RBFOX1: variants seen among roughly 807,000 people sequenced by gnomAD.
The protein encoded by RBFOX1 is RNA binding protein fox-1 homolog 1.
In RBFOX1, 8 loss-of-function variants were observed where a neutral mutation model predicts 57.7. The ratio of observed to expected loss-of-function variants is 0.14; its 90% confidence interval spans 0.08 to 0.25. The LOEUF is 0.25. RBFOX1 is among the 10% of genes least tolerant of loss of function. The pLI is 1.00. For synonymous variants in RBFOX1, 326 were observed against 222.4 expected (o/e 1.47, Z -4.15); for missense variants, 611 against 548.5 (o/e 1.11, Z -1.14).
intron 4 of RBFOX1, among the ~76,000 whole-genome samples, chr16:5,911,900 C>T (rs1459780763): frequency 1.3e-5 from 2 of 152,178 alleles, no homozygotes; most frequent in African/African-American, 2.4e-5. Context: ...TGAATACCAT[C>T]ACCTTGGGGA....
At chr16:6,892,563 A>C (rs1307531558) in intron 3 of RBFOX1, among the ~76,000 whole-genome samples, 1 of 152,138 alleles carries the variant, frequency 6.6e-6, no homozygotes, top group Non-Finnish European at 1.5e-5. Context: ...TCTGCTACTC[A>C]GGAGCCTGAG....
At chr16:6,762,854 A>T (rs1354532431) in intron 3 of RBFOX1, among the ~76,000 whole-genome samples, 1 of 152,168 alleles carries the variant, frequency 6.6e-6, no homozygotes, top group Non-Finnish European at 1.5e-5. Flanking sequence ...CTCTCAAAGG[A>T]GGTACCTCTC....
chr16:6,011,646 C>A (rs2094961946), intron 4 of RBFOX1, among the ~76,000 whole-genome samples: 3 of 152,106 alleles, frequency 2.0e-5, no homozygotes, highest in South Asian at 2.1e-4. Flanking sequence ...TGCACAAGTC[C>A]TAAACGGGCA....
chr16:7,347,555 C>T (rs112663375), intron 4 of RBFOX1, among the ~76,000 whole-genome samples: 10 of 152,112 alleles, frequency 6.6e-5, no homozygotes, highest in Admixed American at 2.6e-4. Context: ...CACAGCCAAA[C>T]GATATCAAGT....
chr16:7,433,563 T>G (rs2098699103), intron 4 of RBFOX1, among the ~76,000 whole-genome samples: 1 of 152,174 alleles, frequency 6.6e-6, no homozygotes, highest in Non-Finnish European at 1.5e-5. Context: ...GCATCTGAAT[T>G]GAGTCTTAAG....
At chr16:6,959,917 C>A (rs1268149279) in intron 3 of RBFOX1, among the ~76,000 whole-genome samples, 2 of 152,082 alleles carry the variant, frequency 1.3e-5, no homozygotes, top group South Asian at 2.1e-4. Context: ...GCCTGGGCGA[C>A]AAGAGCGAAA....
intron 3 of RBFOX1, among the ~76,000 whole-genome samples, chr16:6,768,319 GTC>G (rs2077708026): frequency 6.6e-6 from 1 of 151,832 alleles, no homozygotes; most frequent in South Asian, 2.1e-4. Flanking sequence ...ACAATAAAGA[GTC>G]TTATTAAAAA....
At chr16:6,078,578 G>A (rs1432104868) in intron 1 of RBFOX1, among the ~76,000 whole-genome samples, 1 of 152,192 alleles carries the variant, frequency 6.6e-6, no homozygotes, top group African/African-American at 2.4e-5. Flanking sequence ...CCTTGGGCAA[G>A]TTAGTTAACC....
chr16:7,040,402 A>G (rs1444924812), intron 3 of RBFOX1, among the ~76,000 whole-genome samples: 1 of 152,178 alleles, frequency 6.6e-6, no homozygotes, highest in Non-Finnish European at 1.5e-5. Flanking sequence ...ATAACATCTC[A>G]TTTAATTATT....
intron 3 of RBFOX1, among the ~76,000 whole-genome samples, chr16:6,851,169 T>G (rs957516758): frequency 2.6e-5 from 4 of 152,216 alleles, no homozygotes; most frequent in Non-Finnish European, 5.9e-5. Context: ...CAGCAATCAT[T>G]TTTATGTATC....
chr16:5,632,568 C>T (rs1415421919), intron 3 of RBFOX1: 1 of 152,208 alleles, frequency 6.6e-6, no homozygotes, highest in East Asian at 1.9e-4. Context: ...CATGTAATTA[C>T]ACACAATATC....
intron 1 of RBFOX1, among the ~76,000 whole-genome samples, chr16:5,441,663 C>G (rs930885400): frequency 1.3e-5 from 2 of 152,098 alleles, no homozygotes; most frequent in Non-Finnish European, 2.9e-5. Context: ...CTGTTCCTGG[C>G]AGGAAAGAGG....
At chr16:5,710,517 G>T (rs866042844) in intron 3 of RBFOX1, among the ~76,000 whole-genome samples, 13 of 152,180 alleles carry the variant, frequency 8.5e-5, no homozygotes, top group South Asian at 2.1e-4. Context: ...GTATTATGAG[G>T]ATGGCAGGCC....
At chr16:5,575,480 G>C (rs1476142167) in intron 2 of RBFOX1, among the ~76,000 whole-genome samples, 1 of 152,148 alleles carries the variant, frequency 6.6e-6, no homozygotes, top group African/African-American at 2.4e-5. Context: ...GCAGAAAAGT[G>C]AATTTCCTTG....
At chr16:6,279,595 C>T (rs2076175612) in intron 1 of RBFOX1, among the ~76,000 whole-genome samples, 1 of 152,040 alleles carries the variant, frequency 6.6e-6, no homozygotes, top group Admixed American at 6.6e-5. Context: ...ATCTATTGGC[C>T]TTGGAGAAGG....
intron 1 of RBFOX1, among the ~76,000 whole-genome samples, chr16:6,067,605 T>C (rs1235472044): frequency 6.6e-6 from 1 of 152,220 alleles, no homozygotes; most frequent in Non-Finnish European, 1.5e-5. Context: ...GAGAGAAGTT[T>C]TGCTTTTCCA....
intron 1 of RBFOX1, among the ~76,000 whole-genome samples, chr16:6,304,654 A>T (rs2152748980): frequency 6.6e-6 from 1 of 152,166 alleles, no homozygotes; most frequent in East Asian, 1.9e-4. Context: ...AGGTGGCAGC[A>T]AGCGGATCAC....
At chr16:7,636,710 C>G (rs1281997857) in intron 11 of RBFOX1, among the ~76,000 whole-genome samples, 2 of 152,154 alleles carry the variant, frequency 1.3e-5, no homozygotes, top group African/African-American at 4.8e-5. Flanking sequence ...CATTCATTTT[C>G]TCAAAGTTCT....
At chr16:7,321,071 C>CTATATGTATACATATACATATACA (rs1306024790) in intron 4 of RBFOX1, among the ~76,000 whole-genome samples, 1 of 72,844 alleles carries the variant, frequency 1.4e-5, no homozygotes, top group Non-Finnish European at 3.7e-5. Context: ...ATCTGTCTAT[C>CTATATGTATACATATACATATACA]TATACGTATA....
Sources: allele counts gnomAD v4.1 joint callset (sites outside exome capture counted in the v4.1 genomes callset), GRCh38; gene constraint gnomAD v4.1.1; transcripts MANE v1.5; gene names NCBI Gene and HGNC (gene_info 2026-07-23, HGNC 2026-07-21).